SEMA6A: variants seen among roughly 807,000 people sequenced by gnomAD.
The protein encoded by SEMA6A is semaphorin 6A.
Under a neutral mutation model 96.8 loss-of-function variants are expected in SEMA6A, and 25 were observed. That is an observed-to-expected ratio of 0.26 (90% CI 0.19 to 0.36). SEMA6A has a LOEUF of 0.36. SEMA6A is among the 10% of genes least tolerant of loss of function. The probability of loss-of-function intolerance (pLI) is 1.00; values close to 1 mark genes in which losing one functional copy is unlikely to be tolerated. For synonymous variants in SEMA6A, 612 were observed against 518.0 expected (o/e 1.18, Z -2.46); for missense variants, 1,363 against 1,323.1 (o/e 1.03, Z -0.47).
At chr5:116,457,012 G>A (rs1372018806) in intron 18 of SEMA6A, among the ~76,000 whole-genome samples, 3 of 152,138 alleles carry the variant, frequency 2.0e-5, no homozygotes, top group African/African-American at 7.2e-5. Flanking sequence ...ATTCACCAAA[G>A]TAAGGTCCTG....
intron 18 of SEMA6A, among the ~76,000 whole-genome samples, chr5:116,448,978 T>C (rs1279385008): frequency 1.3e-5 from 2 of 152,202 alleles, no homozygotes; most frequent in African/African-American, 4.8e-5. Flanking sequence ...ATAAAAATTA[T>C]GTGACTACAC....
intron 1 of SEMA6A, among the ~76,000 whole-genome samples, chr5:116,566,857 C>T (rs1761046073): frequency 6.6e-6 from 1 of 152,090 alleles, no homozygotes; most frequent in Non-Finnish European, 1.5e-5. Flanking sequence ...CAAGCTTGGC[C>T]AGGGAAGAGT....
intron 1 of SEMA6A, among the ~76,000 whole-genome samples, chr5:116,529,341 A>G (rs1759363934): frequency 1.3e-5 from 2 of 152,200 alleles, no homozygotes; most frequent in Non-Finnish European, 2.9e-5. Context: ...CTGTAGGGTG[A>G]CTATAATGAA....
intron 6 of SEMA6A, among the ~76,000 whole-genome samples, chr5:116,493,912 C>G (rs1324845436): frequency 6.6e-6 from 1 of 152,158 alleles, no homozygotes; most frequent in Non-Finnish European, 1.5e-5. Flanking sequence ...GCTTGGCATT[C>G]TCATACTGTG....
intron 1 of SEMA6A, among the ~76,000 whole-genome samples, chr5:116,509,510 G>A (rs954210158): frequency 2.6e-5 from 4 of 152,126 alleles, no homozygotes; most frequent in African/African-American, 7.2e-5. Flanking sequence ...TAAAATGAAA[G>A]GATATGAAAT....
chr5:116,559,474 C>T (rs1263198092), intron 1 of SEMA6A, among the ~76,000 whole-genome samples: 1 of 152,150 alleles, frequency 6.6e-6, no homozygotes, highest in Admixed American at 6.5e-5. Context: ...AAACCCCTGC[C>T]CCATCCGCAC....
intron 12 of SEMA6A, among the ~76,000 whole-genome samples, 193 bp downstream of exon 12, chr5:116,479,929 G>T (rs1410296636): frequency 6.6e-6 from 1 of 152,136 alleles, no homozygotes; most frequent in Admixed American, 6.6e-5. Flanking sequence ...GAAAATATTG[G>T]AACTCTTCTC....
chr5:116,472,978 C>G, intron 17 of SEMA6A, 95 bp downstream of exon 17: 1 of 1,515,838 alleles, frequency 6.6e-7, no homozygotes, highest in Admixed American at 2.3e-5. Flanking sequence ...TAAAAAGAAA[C>G]TTAAGATTTG....
At chr5:116,460,438 T>C (rs955396153) in intron 18 of SEMA6A, among the ~76,000 whole-genome samples, 1 of 152,176 alleles carries the variant, frequency 6.6e-6, no homozygotes, top group African/African-American at 2.4e-5. Flanking sequence ...ATGTAATATA[T>C]AAATTAGATC....
chr5:116,467,806 G>A (rs1755858929), intron 17 of SEMA6A, 59 bp from the exon 18 acceptor site: 2 of 1,578,934 alleles, frequency 1.3e-6, no homozygotes, highest in South Asian at 2.3e-5. Context: ...CATTCCCTTT[G>A]CGCAGAGGCC....
At position 116,447,821 on chromosome 5, in the gene SEMA6A, A is replaced by T. The variant is rs774758119; in HGVS notation, c.1895-10T>A. The stretch of plus-strand genomic sequence containing the variant: ...CTTTCCCGAATCACTCCTGCAATAG[A>T]CATCGCATATGGCGTTAAGAAATGA... On this transcript the variant is annotated splice_polypyrimidine_tract_variant and intron_variant, in intron 18 of 18. Coordinates refer to ENST00000343348, the MANE Select transcript of SEMA6A (RefSeq NM_020796.5). 6.4e-6 allele frequency: 10 copies of T among 1,573,794 alleles called. No homozygotes were observed. Among genetic ancestry groups the T allele is most frequent in the Non-Finnish European group, 3.5e-6 (4 of 1,156,158 alleles).
Position 116,446,114 on chromosome 5 carries a change from T to TTG in SEMA6A, c.*497_*498dup, listed in dbSNP as rs752678771. 6.5e-6 allele frequency: 1 copy of TTG among 152,860 alleles called. No individual in the cohort carries two copies. Among genetic ancestry groups the TTG allele is most frequent in the African/African-American group, 2.4e-5 (1 of 41,478 alleles). 9.5% of individuals were successfully genotyped at this position (152,860 alleles called of 1,614,324 possible). On this transcript the variant is annotated 3_prime_UTR_variant, in exon 19 of 19. Transcript: ENST00000343348. ...GAATTATCAATGAATTCTTTTTTTTTTGTCTTTTTAAATTTTCTTGATTTT... is the reference window on the plus strand; with the variant it reads ...GAATTATCAATGAATTCTTTTTTTTTTGTGTCTTTTTAAATTTTCTTGATTTT...
chr5:116,534,389 T>G lies in SEMA6A; in HGVS notation c.-38-29407A>C, dbSNP rs1759621386. ...ACTCCACATCTACATGGCTCACAAC[T>G]CTGATGCTCAGCTCCGGAGAGCTCA... is the stretch of plus-strand genomic sequence containing the variant. On this transcript the variant is annotated intron_variant, in intron 1 of 18. Transcript: ENST00000343348. 1.3e-5 allele frequency among the ~76,000 whole-genome samples: 2 copies of G among 152,194 alleles called. 1 individual carries two copies. Among genetic ancestry groups the G allele is most frequent in the South Asian group, 4.1e-4 (2 of 4,834 alleles).
At chr5:116,534,005 T>C (rs1759604903) in intron 1 of SEMA6A, among the ~76,000 whole-genome samples, 1 of 152,196 alleles carries the variant, frequency 6.6e-6, no homozygotes. Context: ...CAAACGAACC[T>C]TTCTCTCCAC....
intron 1 of SEMA6A, among the ~76,000 whole-genome samples, chr5:116,573,719 A>G (rs1481919943): frequency 6.6e-6 from 1 of 152,046 alleles, no homozygotes; most frequent in Non-Finnish European, 1.5e-5. Flanking sequence ...GGACGAAAAC[A>G]GCGCTGTTAT....
At chr5:116,484,752 G>C (rs1303344614) in intron 10 of SEMA6A, among the ~76,000 whole-genome samples, 2 of 152,234 alleles carry the variant, frequency 1.3e-5, no homozygotes, top group African/African-American at 4.8e-5. Context: ...GACATTTGAA[G>C]TACCCGCAGG....
Position 116,562,458 on chromosome 5 carries a change from G to C in SEMA6A, c.-39+11727C>G, listed in dbSNP as rs139159816. On this transcript the variant is annotated intron_variant, in intron 1 of 18. Transcript: ENST00000343348. ...AATAGCACATTAACATCCTAATTCA[G>C]GTTTTTGATATTTGTTCTAAAACTC... 4.2e-4 allele frequency: 149 copies of C among 355,570 alleles called. 1 individual carries two copies. In the East Asian group the frequency reaches 9.1e-3, roughly 22 times the overall value. 22.0% of individuals were successfully genotyped at this position (355,570 alleles called of 1,614,324 possible). A position where few individuals can be genotyped will look rare whatever the true frequency, so the allele number is the denominator to read the frequency against.
At chr5:116,525,274 T>C (rs1295547180) in intron 1 of SEMA6A, among the ~76,000 whole-genome samples, 1 of 152,188 alleles carries the variant, frequency 6.6e-6, no homozygotes, top group Non-Finnish European at 1.5e-5. Context: ...CTGAGTGGCC[T>C]TGGGTTATTT....
At position 116,529,246 on chromosome 5, in the gene SEMA6A, GGAA is replaced by G. The variant is rs377265692; in HGVS notation, c.-38-24267_-38-24265del. Among the ~76,000 whole-genome samples, 434 of 152,266 alleles carry G rather than the reference GGAA, an allele frequency of 2.9e-3. 3 individuals are homozygous for G. The highest frequency in any genetic ancestry group is 5.0e-3 in the Admixed American group (77 of 15,280). ...GAATTACTAGAGGTGAGGAAGGATGGGAAGAAGGAGAGCTTGCTAGAGGTTGGT... is the reference window on the plus strand; with the variant it reads ...GAATTACTAGAGGTGAGGAAGGATGGGAAGGAGAGCTTGCTAGAGGTTGGT... On this transcript the variant is annotated intron_variant, in intron 1 of 18. Coordinates refer to ENST00000343348, the MANE Select transcript of SEMA6A (RefSeq NM_020796.5).
Sources: allele counts gnomAD v4.1 joint callset (sites outside exome capture counted in the v4.1 genomes callset), GRCh38; gene constraint gnomAD v4.1.1; transcripts MANE v1.5; gene names NCBI Gene and HGNC (gene_info 2026-07-23, HGNC 2026-07-21).